NIM1K: variants seen among roughly 807,000 people sequenced by gnomAD.
The protein encoded by NIM1K is serine/threonine-protein kinase NIM1.
A neutral mutation model predicts 37.1 loss-of-function variants in NIM1K; 35 were observed. The ratio of observed to expected loss-of-function variants is 0.94; its 90% CI spans 0.72 to 1.25. The LOEUF is 1.25. Ranked by LOEUF, NIM1K falls within the 50% of genes most tolerant of loss-of-function variation. The pLI is 0.00. For synonymous variants in NIM1K, 234 were observed against 206.6 expected (o/e 1.13, Z -1.14); for missense variants, 564 against 548.0 (o/e 1.03, Z -0.29).
At chr5:43,209,292 T>G (rs1276297543) in intron 1 of NIM1K, among the ~76,000 whole-genome samples, 3 of 152,176 alleles carry the variant, frequency 2.0e-5, no homozygotes, top group Non-Finnish European at 4.4e-5. Flanking sequence ...TGAGGTATGC[T>G]TCACTGGGAG....
In NIM1K at chr5:43,277,404, C is replaced by T. The variant is rs1048902576; in HGVS notation, c.561+79C>T. On this transcript the variant is annotated intron_variant, in intron 3 of 3. Transcript: ENST00000326035. ...CACAGGGCTTTAGGTTACTAACCCT[C>T]AAGTGTCCCAGAGGGCTTTTGTCCT... The T allele has an allele frequency of 6.1e-6, 9 of 1,464,782 alleles. No homozygotes were observed. In the African/African-American group the frequency reaches 1.3e-4, roughly 21 times the overall value. 90.7% of individuals were successfully genotyped at this position (1,464,782 alleles called of 1,614,324 possible). A position where few individuals can be genotyped will look rare whatever the true frequency, so the allele number is the denominator to read the frequency against.
At chr5:43,261,358 GTGA>G (rs1422310592) in intron 2 of NIM1K, among the ~76,000 whole-genome samples, 1 of 152,228 alleles carries the variant, frequency 6.6e-6, no homozygotes, top group Non-Finnish European at 1.5e-5. Flanking sequence ...CTGATGGCCA[GTGA>G]TGATGAGCAT....
At chr5:43,207,992 G>A (rs1325961036) in intron 1 of NIM1K, among the ~76,000 whole-genome samples, 1 of 152,150 alleles carries the variant, frequency 6.6e-6, no homozygotes, top group Non-Finnish European at 1.5e-5. Context: ...AGCTTATGGT[G>A]TTATTTTTTT....
chr5:43,239,516 GC>G (rs1305027719), intron 1 of NIM1K, among the ~76,000 whole-genome samples: 1 of 149,478 alleles, frequency 6.7e-6, no homozygotes, highest in Non-Finnish European at 1.5e-5. Context: ...GGGATTATAG[GC>G]GTGAGCCACC....
chr5:43,277,440 C>A, intron 3 of NIM1K, 115 bp downstream of exon 3: 1 of 1,097,814 alleles, frequency 9.1e-7, no homozygotes, highest in Non-Finnish European at 1.3e-6. Context: ...ACAAAGCAGA[C>A]AGTAGTCCCT....
intron 2 of NIM1K, among the ~76,000 whole-genome samples, chr5:43,269,059 A>T (rs934758547): frequency 2.6e-4 from 40 of 152,106 alleles, no homozygotes; most frequent in African/African-American, 7.2e-5. Context: ...TGTAAATCCC[A>T]GCACTTTGGG....
intron 1 of NIM1K, among the ~76,000 whole-genome samples, chr5:43,194,577 G>A (rs1188567191): frequency 6.6e-6 from 1 of 152,066 alleles, no homozygotes; most frequent in African/African-American, 2.4e-5. Context: ...TTTAACCCTA[G>A]GTTTTTAGTT....
At chr5:43,193,366 CCTTT>C (rs1751861993) in intron 1 of NIM1K, 3 of 151,294 alleles carry the variant, frequency 2.0e-5, no homozygotes, top group African/African-American at 7.3e-5. Flanking sequence ...TCCCTCCCTC[CCTTT>C]CTCCCTTTCT....
At chr5:43,274,194 C>T (rs1561095691) in intron 2 of NIM1K, among the ~76,000 whole-genome samples, 1 of 152,144 alleles carries the variant, frequency 6.6e-6, no homozygotes, top group Non-Finnish European at 1.5e-5. Flanking sequence ...CTAGACCTGG[C>T]TCTGGGAGGG....
intron 2 of NIM1K, among the ~76,000 whole-genome samples, chr5:43,275,316 C>T (rs1264769449): frequency 6.6e-6 from 1 of 152,182 alleles, no homozygotes; most frequent in Non-Finnish European, 1.5e-5. Flanking sequence ...ACCTACCACA[C>T]TCTATTTTAA....
At chr5:43,203,754 A>G (rs1393058253) in intron 1 of NIM1K, among the ~76,000 whole-genome samples, 2 of 152,102 alleles carry the variant, frequency 1.3e-5, no homozygotes, top group East Asian at 3.9e-4. Flanking sequence ...GGCTGGGCAC[A>G]GTGGCTCACG....
intron 2 of NIM1K, among the ~76,000 whole-genome samples, chr5:43,257,546 T>A (rs1367881556): frequency 6.6e-6 from 1 of 151,440 alleles, no homozygotes; most frequent in Non-Finnish European, 1.5e-5. Context: ...GAGACGGGGG[T>A]TTCACCATGT....
chr5:43,253,197 TATATA>T (rs1276138552), intron 2 of NIM1K, among the ~76,000 whole-genome samples: 46 of 119,078 alleles, frequency 3.9e-4, no homozygotes, highest in African/African-American at 1.4e-3. Flanking sequence ...TATAATATAA[TATATA>T]ATATAATATA....
intron 2 of NIM1K, among the ~76,000 whole-genome samples, chr5:43,260,567 T>G (rs1248526784): frequency 1.3e-5 from 2 of 152,198 alleles, no homozygotes; most frequent in Non-Finnish European, 2.9e-5. Context: ...TGATTTATCA[T>G]ATTTATTGAC....
At chr5:43,199,030 A>C (rs1462766904) in intron 1 of NIM1K, among the ~76,000 whole-genome samples, 1 of 151,336 alleles carries the variant, frequency 6.6e-6, no homozygotes, top group East Asian at 1.9e-4. Flanking sequence ...CTCTACTAAA[A>C]ATACAAAATT....
chr5:43,211,734 A>C (rs1202221172), intron 1 of NIM1K, among the ~76,000 whole-genome samples: 1 of 152,216 alleles, frequency 6.6e-6, no homozygotes, highest in East Asian at 1.9e-4. Flanking sequence ...ATGCAATGGA[A>C]ATCTAATTTT....
At chr5:43,230,534 C>A (rs1308216898) in intron 1 of NIM1K, among the ~76,000 whole-genome samples, 1 of 152,160 alleles carries the variant, frequency 6.6e-6, no homozygotes, top group Non-Finnish European at 1.5e-5. Flanking sequence ...CCAGCTAAAA[C>A]TTCTCTGTTA....
chr5:43,242,073 T>C (rs1752711371), intron 1 of NIM1K, among the ~76,000 whole-genome samples: 1 of 152,092 alleles, frequency 6.6e-6, no homozygotes, highest in Non-Finnish European at 1.5e-5. Flanking sequence ...AAATGGAAGA[T>C]TAACTGTCTC....
At chr5:43,208,165 T>C (rs1185382721) in intron 1 of NIM1K, among the ~76,000 whole-genome samples, 2 of 152,182 alleles carry the variant, frequency 1.3e-5, no homozygotes, top group African/African-American at 4.8e-5. Flanking sequence ...ATGAACATCG[T>C]TGTTTTGTGC....
Sources: gnomAD v4.1 joint callset for allele counts (sites outside exome capture counted in the v4.1 genomes callset) on GRCh38, gnomAD v4.1.1 for gene constraint, MANE v1.5 for transcripts, NCBI Gene and HGNC (gene_info 2026-07-23, HGNC 2026-07-21) for gene names.